Variants in RPS6KC1 observed in about 807,000 individuals in gnomAD.
RPS6KC1 encodes inactive ribosomal protein S6 kinase delta-1.
RPS6KC1 carries 54 observed loss-of-function variants against 103.8 expected under a neutral mutation model. The ratio of observed to expected loss-of-function variants is 0.52; its 90% CI spans 0.42 to 0.65. The LOEUF is 0.65. Ranked by LOEUF, RPS6KC1 falls within the 30% of genes least tolerant of loss-of-function variation. The pLI, the probability that RPS6KC1 is intolerant of heterozygous loss-of-function variation, is 0.00. For missense variants in RPS6KC1, 1,151 were observed against 1,253.8 expected (o/e 0.92, Z 1.24); for synonymous variants, 439 against 438.7 (o/e 1.00, Z -0.01).
At chr1:213,486,694 G>A in the RPS6KC1 span, among the ~76,000 whole-genome samples, 144 of 152,304 alleles carry the variant, frequency 9.5e-4, no homozygotes, top group Non-Finnish European at 1.7e-3. Context: ...GGATGGAGCT[G>A]GAGCCATAGA....
At chr1:213,106,912 C>A (rs564313874) in intron 4 of RPS6KC1, among the ~76,000 whole-genome samples, 15 of 152,064 alleles carry the variant, frequency 9.9e-5, no homozygotes, top group African/African-American at 3.1e-4. Flanking sequence ...AGTTTTGCAC[C>A]TATCACCAAC....
chr1:213,601,044 C>T, the RPS6KC1 span, among the ~76,000 whole-genome samples: 1 of 152,170 alleles, frequency 6.6e-6, no homozygotes, highest in Admixed American at 6.5e-5. Context: ...TAGGCAAGAA[C>T]AAATAAATGA....
At chr1:213,627,766 A>G in the RPS6KC1 span, among the ~76,000 whole-genome samples, 1 of 152,230 alleles carries the variant, frequency 6.6e-6, no homozygotes, top group African/African-American at 2.4e-5. Context: ...CATCCCAGGC[A>G]TGAAGCCCAC....
At chr1:213,354,511 T>A in the RPS6KC1 span, among the ~76,000 whole-genome samples, 1 of 152,218 alleles carries the variant, frequency 6.6e-6, no homozygotes. Context: ...ATTTTCCATT[T>A]CTTATAACAG....
chr1:213,582,867 A>G, the RPS6KC1 span, among the ~76,000 whole-genome samples: 2 of 152,224 alleles, frequency 1.3e-5, no homozygotes, highest in Non-Finnish European at 1.5e-5. Flanking sequence ...ATTAAGCTGT[A>G]GAACATTGTC....
At chr1:213,676,163 C>T in the RPS6KC1 span, among the ~76,000 whole-genome samples, 2 of 152,282 alleles carry the variant, frequency 1.3e-5, no homozygotes, top group African/African-American at 2.4e-5. Flanking sequence ...TTTCTTCTTG[C>T]TAATGTCAAA....
intron 6 of RPS6KC1, among the ~76,000 whole-genome samples, chr1:213,161,362 C>G (rs1468177120): frequency 6.6e-6 from 1 of 151,848 alleles, no homozygotes; most frequent in African/African-American, 2.4e-5. Flanking sequence ...GCTCTGTCAC[C>G]CAGGGTGGAG....
At chr1:213,407,280 G>A in the RPS6KC1 span, among the ~76,000 whole-genome samples, 3 of 151,944 alleles carry the variant, frequency 2.0e-5, no homozygotes, top group African/African-American at 7.3e-5. Flanking sequence ...AGCGAGAGAG[G>A]GCACAAAGGG....
intron 8 of RPS6KC1, among the ~76,000 whole-genome samples, chr1:213,194,993 TTTAGA>T (rs1326592007): frequency 6.6e-6 from 1 of 152,124 alleles, no homozygotes; most frequent in African/African-American, 2.4e-5. Flanking sequence ...GATGCCAGTG[TTTAGA>T]TTAGAGATGG....
At chr1:213,602,120 C>CTCTCTCTT in the RPS6KC1 span, among the ~76,000 whole-genome samples, 3 of 5,156 alleles carry the variant, frequency 5.8e-4, no homozygotes, top group East Asian at 4.4e-3. Flanking sequence ...TTCTTTCTTT[C>CTCTCTCTT]TCTTTCTTTC....
rs2085354279 is a variant in RPS6KC1 at position 213,129,557 on chromosome 1, T to C, written c.503T>C (p.Leu168Pro). The C allele has an allele frequency of 6.2e-7, 1 of 1,611,346 alleles. No homozygotes were observed. Among genetic ancestry groups the C allele is most frequent in the Non-Finnish European group, 8.5e-7 (1 of 1,177,946 alleles). ...GFSSDSDLVS[L>P]TVDVDSLAEL... ...TCCAGTGACAGTGATCTGGTATCTCTTACTGTTGATGTGGATTCTCTTGCT... is the reference window on the plus strand; with the variant it reads ...TCCAGTGACAGTGATCTGGTATCTCCTACTGTTGATGTGGATTCTCTTGCT... Residue 168 changes from leucine to proline, a missense_variant, in exon 6 of 15, where the codon CTT (leucine) becomes CCT (proline). Physicochemically the swap from Leu to Pro is moderately conservative, Grantham distance 98. Around this residue, in one of 3 missense-constraint regions of RPS6KC1, gnomAD observed 959 missense variants for 1,006.3 expected, o/e 0.95. Transcript: ENST00000366960.
At chr1:213,419,972 C>A in the RPS6KC1 span, among the ~76,000 whole-genome samples, 1 of 152,192 alleles carries the variant, frequency 6.6e-6, no homozygotes, top group Non-Finnish European at 1.5e-5. Flanking sequence ...GGAAACATTT[C>A]CATTCACACA....
the RPS6KC1 span, among the ~76,000 whole-genome samples, chr1:213,341,636 G>C: frequency 6.6e-6 from 1 of 152,176 alleles, no homozygotes; most frequent in Non-Finnish European, 1.5e-5. Context: ...TAAGTTGCAG[G>C]TACTGGTTTA....
At chr1:213,858,132 A>G in the RPS6KC1 span, among the ~76,000 whole-genome samples, 1 of 152,256 alleles carries the variant, frequency 6.6e-6, no homozygotes, top group East Asian at 1.9e-4. Context: ...AATAACAATG[A>G]TAATGATAAT....
At chr1:213,752,433 G>A in the RPS6KC1 span, among the ~76,000 whole-genome samples, 37 of 152,300 alleles carry the variant, frequency 2.4e-4, no homozygotes, top group East Asian at 5.8e-3. Context: ...GGTTTAGCCT[G>A]CAATCAGTTT....
chr1:213,674,293 A>G, the RPS6KC1 span, among the ~76,000 whole-genome samples: 1 of 152,188 alleles, frequency 6.6e-6, no homozygotes, highest in South Asian at 2.1e-4. Context: ...TCCTAGGATT[A>G]CAGGCATGAG....
the RPS6KC1 span, among the ~76,000 whole-genome samples, chr1:213,350,652 ACT>A: frequency 6.6e-6 from 1 of 152,196 alleles, no homozygotes; most frequent in Admixed American, 6.5e-5. Flanking sequence ...TATTAAAAAC[ACT>A]TTTTTTCTCA....
chr1:213,737,223 A>G, the RPS6KC1 span, among the ~76,000 whole-genome samples: 53,284 of 152,144 alleles, frequency 0.35, 12,372 homozygotes, highest in African/African-American at 0.66. Context: ...ACACCATCCA[A>G]ATGAGTTGAG....
the RPS6KC1 span, among the ~76,000 whole-genome samples, chr1:213,295,481 C>T: frequency 6.6e-6 from 1 of 152,130 alleles, no homozygotes; most frequent in Non-Finnish European, 1.5e-5. Flanking sequence ...TGTTTATGCT[C>T]TTTTTGTATC....
Sources: allele counts gnomAD v4.1 joint callset (sites outside exome capture counted in the v4.1 genomes callset), GRCh38; gene constraint gnomAD v4.1.1; regional missense constraint gnomAD v4.1.1; transcripts MANE v1.5; gene names NCBI Gene and HGNC (gene_info 2026-07-23, HGNC 2026-07-21).